Variants in NUF2 observed in about 807,000 individuals in gnomAD.
The protein encoded by NUF2 is kinetochore protein Nuf2.
NUF2 carries 34 observed loss-of-function variants against 61.8 expected under a neutral mutation model. The ratio of observed to expected loss-of-function variants is 0.55; its 90% CI spans 0.42 to 0.73. The LOEUF (loss-of-function observed/expected upper bound fraction) is 0.73. Among genes scored for constraint, NUF2 ranks in the 30% least tolerant of loss-of-function variants. The pLI is 0.00. For missense variants in NUF2, 445 were observed against 539.1 expected (o/e 0.83, Z 1.73); for synonymous variants, 172 against 181.6 (o/e 0.95, Z 0.42).
chr1:163,324,174 T>G (rs1215641445), intron 1 of NUF2, among the ~76,000 whole-genome samples: 1 of 152,228 alleles, frequency 6.6e-6, no homozygotes, highest in East Asian at 1.9e-4. Flanking sequence ...ATACTTACTT[T>G]AAAGAAGGGA....
chr1:163,325,878 A>G lies in NUF2; in HGVS notation c.-20-154A>G, dbSNP rs544128034. Among the ~76,000 whole-genome samples the G allele has an allele frequency of 1.8e-4, 28 of 152,320 alleles. No homozygotes were observed. In the South Asian group the frequency reaches 5.8e-3, roughly 32 times the overall value. On this transcript the variant is annotated intron_variant, in intron 1 of 13. Coordinates refer to ENST00000271452, the MANE Select transcript of NUF2 (RefSeq NM_145697.3). ...AAAAGTAATTTTAGGATACATATAT[A>G]AATACTTGTATTTATCTTACTAAGA...
intron 13 of NUF2, among the ~76,000 whole-genome samples, chr1:163,351,759 G>T (rs1191010704): frequency 2.6e-5 from 4 of 152,122 alleles, no homozygotes; most frequent in Admixed American, 2.6e-4. Context: ...TTTTGTCAAA[G>T]AACTCTTCTT....
chr1:163,322,916 A>G (rs1162859590), intron 1 of NUF2: 1 of 152,242 alleles, frequency 6.6e-6, no homozygotes, highest in Non-Finnish European at 1.5e-5. Context: ...GTTAATGAAT[A>G]AATTGTAACT....
intron 9 of NUF2, 128 bp from the exon 10 acceptor site, chr1:163,343,605 T>G (rs1479399769): frequency 5.0e-6 from 2 of 399,068 alleles, no homozygotes; most frequent in Non-Finnish European, 9.0e-6. Flanking sequence ...AGGTAAGTGA[T>G]GTGTTCAGAA....
intron 11 of NUF2, among the ~76,000 whole-genome samples, chr1:163,346,613 G>A (rs954186591): frequency 3.3e-5 from 5 of 152,190 alleles, no homozygotes; most frequent in Admixed American, 2.0e-4. Flanking sequence ...CCAGCACTTC[G>A]GAAGGCTGAG....
At chr1:163,329,498 A>G (rs1650531081) in intron 5 of NUF2, among the ~76,000 whole-genome samples, 1 of 152,186 alleles carries the variant, frequency 6.6e-6, no homozygotes, top group Admixed American at 6.5e-5. Context: ...AGGAAGCATG[A>G]TGCTGGCATT....
At chr1:163,325,855 A>T (rs971043290) in intron 1 of NUF2, among the ~76,000 whole-genome samples, 177 bp from the exon 2 acceptor site, 34 of 152,320 alleles carry the variant, frequency 2.2e-4, no homozygotes, top group African/African-American at 7.5e-4. Flanking sequence ...CTTAGAATAA[A>T]AGTAATTTTA....
In NUF2 at chr1:163,343,866, C is replaced by A; in HGVS notation, c.803C>A (p.Ala268Asp). 2.2e-6 allele frequency: 3 copies of A among 1,388,524 alleles called. No individual in the cohort carries two copies. Among genetic ancestry groups the A allele is most frequent in the African/African-American group, 1.5e-5 (1 of 66,564 alleles). 86.0% of individuals were successfully genotyped at this position (1,388,524 alleles called of 1,614,324 possible). ...GATACGGTCCAGAAGCTTAAAAATG[C>A]CAGAGTGAGTTTTCTTTTTATTTTA... ...MKDTVQKLKN[A>D]RQEVVEKYEI... is the part of the protein sequence containing the mutation. The change falls in exon 10 of 14, where the codon GCC (alanine) becomes GAC (aspartate). Residue 268 changes from alanine to aspartate, a missense_variant. Coordinates refer to ENST00000271452, the MANE Select transcript of NUF2 (RefSeq NM_145697.3).
intron 5 of NUF2, among the ~76,000 whole-genome samples, chr1:163,336,278 G>A (rs1650754848): frequency 1.3e-5 from 2 of 151,968 alleles, no homozygotes; most frequent in Admixed American, 6.6e-5. Context: ...TAGTTGCTTT[G>A]GCTTCTGCAA....
At chr1:163,336,476 T>C (rs1014018104) in intron 5 of NUF2, among the ~76,000 whole-genome samples, 1 of 152,122 alleles carries the variant, frequency 6.6e-6, no homozygotes, top group Non-Finnish European at 1.5e-5. Context: ...TGTTGCTTCA[T>C]GTATTTTTGT....
chr1:163,332,398 A>G (rs1650625482), intron 5 of NUF2, among the ~76,000 whole-genome samples: 1 of 152,124 alleles, frequency 6.6e-6, no homozygotes, highest in Non-Finnish European at 1.5e-5. Context: ...GGCCCAGAAT[A>G]TGGTCTATAT....
chr1:163,343,931 TTTAA>T, intron 10 of NUF2, 61 bp downstream of exon 10: 2 of 1,072,474 alleles, frequency 1.9e-6, no homozygotes, highest in African/African-American at 1.6e-5. Context: ...CAAATTCTTG[TTTAA>T]TTATGTGTTA....
intron 1 of NUF2, among the ~76,000 whole-genome samples, chr1:163,324,903 T>TCTTTC (rs1553230294): frequency 0.041 from 4,846 of 119,638 alleles, 149 homozygotes; most frequent in Non-Finnish European, 0.063. Context: ...TTTCTTTCTT[T>TCTTTC]TTTTTTTTTT....
intron 1 of NUF2, among the ~76,000 whole-genome samples, chr1:163,323,299 T>C (rs1650300210): frequency 6.6e-6 from 1 of 152,198 alleles, no homozygotes; most frequent in African/African-American, 2.4e-5. Flanking sequence ...TTTTCTGAAG[T>C]CTTTCTTTGG....
At chr1:163,346,965 C>G (rs1177795194) in intron 11 of NUF2, among the ~76,000 whole-genome samples, 2 of 152,180 alleles carry the variant, frequency 1.3e-5, no homozygotes, top group Non-Finnish European at 2.9e-5. Context: ...ATTTCTGATA[C>G]TTTCCATTTA....
chr1:163,346,013 A>C (rs919807588), intron 11 of NUF2, 195 bp downstream of exon 11: 7 of 417,314 alleles, frequency 1.7e-5, no homozygotes, highest in African/African-American at 1.4e-4. Context: ...CCAATTTTTA[A>C]CCTTCTGATG....
chr1:163,332,003 T>C (rs1354544067), intron 5 of NUF2, among the ~76,000 whole-genome samples: 3 of 151,966 alleles, frequency 2.0e-5, no homozygotes, highest in Non-Finnish European at 4.4e-5. Context: ...TCTTTCTTCA[T>C]GGTTATTTTG....
chr1:163,327,750 A>G, intron 3 of NUF2, 188 bp downstream of exon 3: 1 of 550,710 alleles, frequency 1.8e-6, no homozygotes, highest in South Asian at 2.6e-5. Context: ...ATAATGGTTT[A>G]TATCCATAGA....
intron 6 of NUF2, among the ~76,000 whole-genome samples, 185 bp from the exon 7 acceptor site, chr1:163,337,835 T>G (rs1463344184): frequency 6.6e-6 from 1 of 152,110 alleles, no homozygotes; most frequent in East Asian, 1.9e-4. Context: ...CCGAGCTCAG[T>G]GCCTATGATG....
Sources: allele counts gnomAD v4.1 joint callset (sites outside exome capture counted in the v4.1 genomes callset), GRCh38; gene constraint gnomAD v4.1.1; transcripts MANE v1.5; gene names NCBI Gene and HGNC (gene_info 2026-07-23, HGNC 2026-07-21).